Variants in TMEM236 observed in about 807,000 individuals in gnomAD.
TMEM236 encodes family with sequence similarity 23, member A.
TMEM236 carries 11 observed loss-of-function variants against 14.7 expected under a neutral mutation model. The ratio of observed to expected loss-of-function variants is 0.75; its 90% CI spans 0.47 to 1.24. The LOEUF is 1.24. Among genes scored for constraint, TMEM236 ranks in the 50% most tolerant of loss-of-function variants. The pLI is 0.00. For synonymous variants in TMEM236, 182 were observed against 168.6 expected (o/e 1.08, Z -0.62); for missense variants, 464 against 427.3 (o/e 1.09, Z -0.76).
At chr10:17,785,448 A>G (rs1837818878) in intron 3 of TMEM236, among the ~76,000 whole-genome samples, 1 of 152,240 alleles carries the variant, frequency 6.6e-6, no homozygotes, top group Admixed American at 6.5e-5. Context: ...GCACAGGCCA[A>G]TCCAAATTCT....
At chr10:17,776,870 T>C (rs1454632086) in intron 3 of TMEM236, among the ~76,000 whole-genome samples, 6 of 152,242 alleles carry the variant, frequency 3.9e-5, no homozygotes, top group African/African-American at 1.4e-4. Context: ...CAAAAAGATA[T>C]TTTGTTAATG....
At chr10:17,786,888 T>G (rs1837845428) in intron 3 of TMEM236, among the ~76,000 whole-genome samples, 1 of 152,224 alleles carries the variant, frequency 6.6e-6, no homozygotes, top group East Asian at 1.9e-4. Context: ...TTTCCCATGC[T>G]ATTCTCGTGA....
intron 1 of TMEM236, among the ~76,000 whole-genome samples, chr10:17,769,436 G>A (rs899874408): frequency 3.3e-5 from 5 of 152,206 alleles, no homozygotes; most frequent in Admixed American, 3.3e-4. Flanking sequence ...ATATTGTGGA[G>A]TCCTGGGCAA....
chr10:17,783,842 T>C (rs1297956202), intron 3 of TMEM236, among the ~76,000 whole-genome samples: 3 of 152,374 alleles, frequency 2.0e-5, no homozygotes, highest in African/African-American at 7.2e-5. Flanking sequence ...CCTCTTCTCA[T>C]AGGCTTATTG....
intron 2 of TMEM236, among the ~76,000 whole-genome samples, chr10:17,774,029 T>TTGTTTG (rs1554835037): frequency 7.5e-6 from 1 of 133,610 alleles, no homozygotes; most frequent in African/African-American, 2.5e-5. Context: ...ATATATATAT[T>TTGTTTG]TTTGTTTGTT....
intron 3 of TMEM236, among the ~76,000 whole-genome samples, chr10:17,778,877 G>C (rs1837699732): frequency 6.6e-6 from 1 of 152,154 alleles, no homozygotes. Context: ...GTCTTCACCG[G>C]ACCAAGGAAT....
In TMEM236 at chr10:17,771,329, G is replaced by C; in HGVS notation, c.278G>C (p.Cys93Ser). 6.2e-7 allele frequency: 1 copy of C among 1,613,942 alleles called. No homozygotes were observed. Among genetic ancestry groups the C allele is most frequent in the Non-Finnish European group, 8.5e-7 (1 of 1,179,848 alleles). Reference sequence around the variant, plus strand: ...GCTAGGAGACCTGTTCTGATGATGTGTGTGGTCCTCACCACACTGCCCTGC... The same window carrying C: ...GCTAGGAGACCTGTTCTGATGATGTCTGTGGTCCTCACCACACTGCCCTGC... ...IKGWRPVLMM[C>S]VVLTTLPCLT... Residue 93 changes from cysteine to serine, a missense_variant, in exon 2 of 4, where the codon TGT becomes TCT. By Grantham distance (112) the Cys-to-Ser change is moderately radical. Transcript: ENST00000377495.
chr10:17,775,921 T>C, intron 2 of TMEM236, 108 bp from the exon 3 acceptor site: 2 of 1,409,378 alleles, frequency 1.4e-6, no homozygotes, highest in Non-Finnish European at 2.0e-6. Flanking sequence ...TCTAGTTTTT[T>C]AGTAAATGTA....
Position 17,783,308 on chromosome 10 carries a change from C to T in TMEM236, c.472+7138C>T, listed in dbSNP as rs963686423. On this transcript the variant is annotated intron_variant, in intron 3 of 3. Transcript: ENST00000377495. ...CCGTAATGGGATCGTATGTACTGTGCGGTGTGGCAAGAGGGGTTTGGCTGC... is the reference window on the plus strand; with the variant it reads ...CCGTAATGGGATCGTATGTACTGTGTGGTGTGGCAAGAGGGGTTTGGCTGC... Among the ~76,000 whole-genome samples the T allele has an allele frequency of 1.4e-4, 22 of 152,090 alleles. No homozygotes were observed. In the South Asian group the frequency reaches 4.0e-3, roughly 27 times the overall value.
chr10:17,764,537 C>T (rs975094835), intron 1 of TMEM236, among the ~76,000 whole-genome samples: 5,815 of 152,244 alleles, frequency 0.038, 285 homozygotes, highest in East Asian at 0.21. Flanking sequence ...ACTGCTATAA[C>T]AAAGTATCAC....
rs1838082497 is a variant in TMEM236, at chr10:17,800,823, A to G, written c.*4319A>G. The G allele has an allele frequency of 6.6e-6, 1 of 152,236 alleles. No individual in the cohort carries two copies. The highest frequency in any genetic ancestry group is 2.4e-5 in the African/African-American group (1 of 41,460). 9.4% of individuals were successfully genotyped at this position (152,236 alleles called of 1,614,324 possible). On this transcript the variant is annotated 3_prime_UTR_variant, in exon 4 of 4. Transcript: ENST00000377495. ...ATGGCTAAAGACATTTTGTTTTACA[A>G]TGGGGCTGTTTTTACATGTTAATTA... is the stretch of plus-strand genomic sequence containing the variant.
intron 3 of TMEM236, among the ~76,000 whole-genome samples, chr10:17,795,001 T>G (rs1446669325): frequency 6.6e-6 from 1 of 152,102 alleles, no homozygotes; most frequent in African/African-American, 2.4e-5. Context: ...ACACTCCAGC[T>G]TGGATGACAG....
Position 17,796,497 on chromosome 10 carries a change from C to T in TMEM236, c.1049C>T (p.Pro350Leu), listed in dbSNP as rs1465053648. The change falls in exon 4 of 4, where the codon CCA becomes CTA. Residue 350 changes from proline (P) to leucine (L), a missense_variant. By Grantham distance (98) the Pro-to-Leu change is moderately conservative. Coordinates refer to ENST00000377495, the MANE Select transcript of TMEM236 (RefSeq NM_001098844.3). ...ATTTTTTCTGCCTTTGAAATGTCTC[C>T]ATTTTAAAAAGGAAATGGGATCTAG... ...IRIFSAFEMS[P>L]F The T allele has an allele frequency of 1.9e-5, 30 of 1,610,204 alleles. No individual in the cohort carries two copies. In the African/African-American group the frequency reaches 3.3e-4, roughly 18 times the overall value.
chr10:17,776,263 C>T lies in TMEM236; in HGVS notation c.472+93C>T, dbSNP rs989089509. The T allele has an allele frequency of 7.6e-5, 93 of 1,222,934 alleles. No homozygotes were observed. The African/African-American group carries it at 1.2e-3, about 16-fold the overall frequency. The allele number at this position is 1,222,934 out of a possible 1,614,324, so 75.8% of individuals were successfully genotyped here. On this transcript the variant is annotated intron_variant, in intron 3 of 3. Transcript: ENST00000377495. ...TTATCTGACAACATGTTTAATGATA[C>T]CTTTTCTTAGGGCTAACATTACTGA...
rs2130547025 is a variant in TMEM236 at position 17,799,801 on chromosome 10, A to G, written c.*3297A>G. ...TGAGTTTAGAATGCATTTTGTATCT[A>G]ATATTTTAATATGAATGTGCCTGAT... On this transcript the variant is annotated 3_prime_UTR_variant, in exon 4 of 4. Coordinates refer to ENST00000377495, the MANE Select transcript of TMEM236 (RefSeq NM_001098844.3). 6.6e-6 allele frequency: 1 copy of G among 151,904 alleles called. No homozygotes were observed. Among genetic ancestry groups the G allele is most frequent in the African/African-American group, 2.4e-5 (1 of 41,146 alleles). 9.4% of individuals were successfully genotyped at this position (151,904 alleles called of 1,614,324 possible).
At chr10:17,783,849 A>T (rs1377491133) in intron 3 of TMEM236, among the ~76,000 whole-genome samples, 2 of 152,054 alleles carry the variant, frequency 1.3e-5, no homozygotes, top group Admixed American at 1.3e-4. Context: ...TCATAGGCTT[A>T]TTGGCCAGTT....
chr10:17,766,612 C>T (rs1554834341), intron 1 of TMEM236, among the ~76,000 whole-genome samples: 1 of 152,180 alleles, frequency 6.6e-6, no homozygotes. Flanking sequence ...CTACTCATTC[C>T]TCAACTCCAA....
chr10:17,793,416 GA>G (rs1845874988), intron 3 of TMEM236, among the ~76,000 whole-genome samples: 2 of 152,148 alleles, frequency 1.3e-5, no homozygotes, highest in African/African-American at 4.8e-5. Flanking sequence ...CAAGAGAGGG[GA>G]ACAAAAGTTC....
intron 3 of TMEM236, among the ~76,000 whole-genome samples, chr10:17,785,587 T>A (rs1272354498): frequency 3.9e-5 from 6 of 152,100 alleles, no homozygotes; most frequent in Admixed American, 2.6e-4. Flanking sequence ...CTTTTTTTTT[T>A]AATAAAATGA....
Sources: allele counts gnomAD v4.1 joint callset (sites outside exome capture counted in the v4.1 genomes callset), GRCh38; gene constraint gnomAD v4.1.1; transcripts MANE v1.5; gene names NCBI Gene and HGNC (gene_info 2026-07-23, HGNC 2026-07-21).